Variants in PCMTD1 observed in about 807,000 individuals in gnomAD.
PCMTD1 encodes the protein protein-L-isoaspartate O-methyltransferase domain-containing protein 1.
A neutral mutation model predicts 37.6 loss-of-function variants in PCMTD1; 12 were observed. The ratio of observed to expected loss-of-function variants is 0.32; its 90% confidence interval spans 0.20 to 0.52. The LOEUF (loss-of-function observed/expected upper bound fraction) is 0.52, where lower values mean the gene tolerates loss of function less well. Among genes scored for constraint, PCMTD1 ranks in the 20% least tolerant of loss-of-function variants. The pLI is 0.97. For missense variants in PCMTD1, 235 were observed against 421.3 expected, an observed-to-expected ratio of 0.56 and a Z score of 3.87; for synonymous variants, 117 against 135.8, an observed-to-expected ratio of 0.86 and a Z score of 0.96.
intron 3 of PCMTD1, among the ~76,000 whole-genome samples, chr8:51,838,613 T>A (rs1377157555): frequency 6.6e-6 from 1 of 152,170 alleles, no homozygotes; most frequent in Non-Finnish European, 1.5e-5. Flanking sequence ...CACAGTAAAT[T>A]ACAACTCCTA....
chr8:51,856,139 T>C (rs887914336), intron 2 of PCMTD1, among the ~76,000 whole-genome samples: 1 of 152,140 alleles, frequency 6.6e-6, no homozygotes, highest in Non-Finnish European at 1.5e-5. Flanking sequence ...TAAAGACTTA[T>C]ATCCAAAATA....
chr8:51,894,778 C>A (rs1434746401), intron 1 of PCMTD1, among the ~76,000 whole-genome samples: 8 of 125,454 alleles, frequency 6.4e-5, no homozygotes, highest in African/African-American at 1.8e-4. Context: ...AACCACAATG[C>A]AGTAAGATGA....
intron 1 of PCMTD1, among the ~76,000 whole-genome samples, chr8:51,890,689 C>G (rs763620012): frequency 6.6e-6 from 1 of 152,198 alleles, no homozygotes; most frequent in African/African-American, 2.4e-5. Flanking sequence ...GATCCATCCA[C>G]CAGCACACCT....
intron 1 of PCMTD1, among the ~76,000 whole-genome samples, chr8:51,874,254 GAACACCATCCA>G (rs2038681064): frequency 6.6e-6 from 1 of 152,116 alleles, no homozygotes; most frequent in Admixed American, 6.5e-5. Flanking sequence ...CTCACTTAAA[GAACACCATCCA>G]AACTGAGTAA....
chr8:51,835,270 T>G (rs1417454778), intron 3 of PCMTD1, among the ~76,000 whole-genome samples: 1 of 152,202 alleles, frequency 6.6e-6, no homozygotes, highest in Non-Finnish European at 1.5e-5. Context: ...ATGCCTGATA[T>G]CCCTTCAAGA....
rs2037779623 is a variant in PCMTD1, at chr8:51,817,761, T to C, written c.*2590A>G. 1 of 441,102 alleles carries C rather than the reference T, an allele frequency of 2.3e-6. No individual in the cohort carries two copies. Among genetic ancestry groups the C allele is most frequent in the Non-Finnish European group, 4.5e-6 (1 of 221,006 alleles). 27.3% of individuals were successfully genotyped at this position (441,102 alleles called of 1,614,324 possible). ...TCTTTATTAATACTAGAACCAAATA[T>C]ATTGACCAATAAGCAGTATAGATTT... On this transcript the variant is annotated 3_prime_UTR_variant, in exon 6 of 6. Coordinates refer to ENST00000522514, the MANE Select transcript of PCMTD1 (RefSeq NM_052937.4).
chr8:51,887,395 A>C (rs1045879491), intron 1 of PCMTD1, among the ~76,000 whole-genome samples: 7 of 152,182 alleles, frequency 4.6e-5, no homozygotes, highest in African/African-American at 1.7e-4. Context: ...TCCAGCATAC[A>C]GGTGAAGAAA....
chr8:51,890,381 C>A (rs1294557507), intron 1 of PCMTD1, among the ~76,000 whole-genome samples: 2 of 152,134 alleles, frequency 1.3e-5, no homozygotes, highest in African/African-American at 4.8e-5. Flanking sequence ...AAAATTTGTT[C>A]TTATCCAGTT....
intron 1 of PCMTD1, among the ~76,000 whole-genome samples, chr8:51,896,971 T>C (rs55791360): frequency 7.2e-5 from 11 of 152,194 alleles, no homozygotes; most frequent in African/African-American, 2.6e-4. Context: ...AGAATGTCAT[T>C]TATGTTGTTA....
chr8:51,845,902 T>G, intron 2 of PCMTD1, 139 bp from the exon 3 acceptor site: 1 of 549,104 alleles, frequency 1.8e-6, no homozygotes, highest in Non-Finnish European at 3.1e-6. Flanking sequence ...AGCCTCAGAC[T>G]TAAAAGTTGA....
chr8:51,864,151 G>A (rs143563185), intron 1 of PCMTD1, among the ~76,000 whole-genome samples: 1 of 152,164 alleles, frequency 6.6e-6, no homozygotes, highest in East Asian at 1.9e-4. Context: ...GTCAAAAACT[G>A]CAAAAAGAGA....
chr8:51,878,285 G>A (rs1429551947), intron 1 of PCMTD1, among the ~76,000 whole-genome samples: 45 of 125,298 alleles, frequency 3.6e-4, no homozygotes, highest in Non-Finnish European at 2.2e-4. Flanking sequence ...GCTATCCTTA[G>A]CATTAGTGTA....
intron 5 of PCMTD1, among the ~76,000 whole-genome samples, chr8:51,827,901 C>A (rs2037943969): frequency 6.6e-6 from 1 of 152,102 alleles, no homozygotes; most frequent in Non-Finnish European, 1.5e-5. Context: ...TCAATCCAAC[C>A]AATGGCAGTC....
intron 3 of PCMTD1, among the ~76,000 whole-genome samples, chr8:51,836,822 C>T (rs2038074356): frequency 6.6e-6 from 1 of 152,204 alleles, no homozygotes; most frequent in Admixed American, 6.5e-5. Flanking sequence ...GATCCTCCCA[C>T]TCCAGCCTCC....
At chr8:51,838,797 A>C (rs948500535) in intron 3 of PCMTD1, among the ~76,000 whole-genome samples, 1 of 152,204 alleles carries the variant, frequency 6.6e-6, no homozygotes, top group Non-Finnish European at 1.5e-5. Context: ...AAATTCAACG[A>C]AAGTTCTCAG....
intron 3 of PCMTD1, among the ~76,000 whole-genome samples, chr8:51,838,163 T>C (rs1466218977): frequency 6.6e-6 from 1 of 152,164 alleles, no homozygotes; most frequent in Non-Finnish European, 1.5e-5. Flanking sequence ...AAATTTCAGT[T>C]AATATTTTTT....
At chr8:51,898,868 G>C (rs2039052329) in intron 1 of PCMTD1, 62 bp downstream of exon 1, 9 of 1,238,570 alleles carry the variant, frequency 7.3e-6, no homozygotes, top group Non-Finnish European at 9.1e-6. Flanking sequence ...TCGCCCGCCC[G>C]GCCCTAGCAC....
chr8:51,875,389 C>G (rs10958300), intron 1 of PCMTD1, among the ~76,000 whole-genome samples: 2 of 152,058 alleles, frequency 1.3e-5, no homozygotes, highest in Non-Finnish European at 2.9e-5. Flanking sequence ...TAAATCCACA[C>G]AGGTTATGGT....
intron 2 of PCMTD1, among the ~76,000 whole-genome samples, chr8:51,846,430 C>T (rs1193692734): frequency 6.6e-6 from 1 of 152,198 alleles, no homozygotes; most frequent in Non-Finnish European, 1.5e-5. Context: ...ATTGGGCTGG[C>T]TCTTTTCCCT....
Sources: gnomAD v4.1 joint callset for allele counts (sites outside exome capture counted in the v4.1 genomes callset) on GRCh38, gnomAD v4.1.1 for gene constraint, MANE v1.5 for transcripts, NCBI Gene and HGNC (gene_info 2026-07-23, HGNC 2026-07-21) for gene names.